AIFM1: variants seen among roughly 807,000 people sequenced by gnomAD.
The protein encoded by AIFM1 is apoptosis-inducing factor 1, mitochondrial.
AIFM1 carries 3 observed loss-of-function variants against 51.7 expected under a neutral mutation model. That is an observed-to-expected ratio of 0.06 (90% CI 0.03 to 0.15). AIFM1 has a LOEUF of 0.15. Ranked by LOEUF, AIFM1 falls within the 10% of genes least tolerant of loss-of-function variation. AIFM1 has a pLI of 1.00. For synonymous variants in AIFM1, 178 were observed against 179.4 expected, an observed-to-expected ratio of 0.99 and a Z score of 0.06; for missense variants, 330 against 476.8, an observed-to-expected ratio of 0.69 and a Z score of 2.87.
intron 1 of AIFM1, among the ~76,000 whole-genome samples, chrX:130,160,291 G>A (rs1054432493): frequency 2.7e-5 from 3 of 111,231 alleles, no homozygotes; most frequent in Non-Finnish European, 3.8e-5. Context: ...ATATTACATC[G>A]TGACTGAAAC....
chrX:130,134,922 A>G (rs758736716), intron 12 of AIFM1, among the ~76,000 whole-genome samples: 5 of 111,730 alleles, frequency 4.5e-5, no homozygotes, highest in Non-Finnish European at 9.4e-5. Context: ...AGAGCAGAAT[A>G]TTATATATAG....
chrX:130,154,962 A>G (rs886412022), intron 2 of AIFM1, among the ~76,000 whole-genome samples: 3 of 112,534 alleles, frequency 2.7e-5, no homozygotes, highest in Non-Finnish European at 5.6e-5. Context: ...GGCTTTAGCT[A>G]TATCTGGTAG....
chrX:130,165,467 C>T, intron 1 of AIFM1, 84 bp downstream of exon 1: 8 of 811,747 alleles, frequency 9.9e-6, no homozygotes, highest in Non-Finnish European at 1.5e-5. Flanking sequence ...CTCGCGGGGA[C>T]GCGGGGGTAG....
intron 12 of AIFM1, among the ~76,000 whole-genome samples, chrX:130,133,794 A>T (rs2030206475): frequency 9.2e-6 from 1 of 108,883 alleles, no homozygotes; most frequent in Admixed American, 9.8e-5. Context: ...TGCCTGGCTA[A>T]ATTTTTTTTT....
At chrX:130,145,810 G>GT (rs2030730558) in intron 5 of AIFM1, among the ~76,000 whole-genome samples, 1 of 111,821 alleles carries the variant, frequency 8.9e-6, no homozygotes. Context: ...GACAATCTGG[G>GT]TTGTAATAAC....
intron 14 of AIFM1, among the ~76,000 whole-genome samples, chrX:130,130,620 T>C (rs147561272): frequency 1.2e-3 from 131 of 112,710 alleles, no homozygotes; most frequent in African/African-American, 3.5e-3. Context: ...GTACTCACCA[T>C]GTTTCATGAG....
chrX:130,142,676 T>G (rs963633432), intron 6 of AIFM1, among the ~76,000 whole-genome samples: 5 of 111,705 alleles, frequency 4.5e-5, no homozygotes, highest in Admixed American at 1.9e-4. Context: ...AATGGAGTCT[T>G]GTTCTGTCAC....
chrX:130,146,451 A>ATGTGTGTGTGTGTGTGTGTG (rs60694841), intron 5 of AIFM1, among the ~76,000 whole-genome samples: 25 of 89,442 alleles, frequency 2.8e-4, no homozygotes, highest in African/African-American at 1.0e-3. Flanking sequence ...CTCTCAAAAT[A>ATGTGTGTGTGTGTGTGTGTG]TGTGTGTGTG....
At chrX:130,135,082 CTTT>C (rs758547960) in intron 12 of AIFM1, among the ~76,000 whole-genome samples, 11 of 100,668 alleles carry the variant, frequency 1.1e-4, no homozygotes, top group Admixed American at 1.1e-3. Context: ...CCACATATTA[CTTT>C]TTTTTTTTTT....
chrX:130,138,307 T>C (rs1250602508), intron 9 of AIFM1, among the ~76,000 whole-genome samples: 3 of 108,941 alleles, frequency 2.8e-5, no homozygotes, highest in Non-Finnish European at 5.7e-5. Context: ...CTACTAAAAA[T>C]ACAAAAAATT....
intron 12 of AIFM1, among the ~76,000 whole-genome samples, chrX:130,134,475 A>G (rs1185708727): frequency 1.8e-5 from 2 of 110,950 alleles, no homozygotes; most frequent in Non-Finnish European, 3.8e-5. Context: ...CATTCGACAA[A>G]TATTTATGGA....
intron 2 of AIFM1, chrX:130,155,021 C>A (rs946477232): frequency 1.2e-6 from 1 of 829,243 alleles, no homozygotes; most frequent in Non-Finnish European, 1.8e-6. Flanking sequence ...TAGTGACTGA[C>A]AATGTCCCTT....
Position 130,139,807 on chromosome X carries a change from C to T in AIFM1, c.846G>A (p.Thr282=), listed in dbSNP as rs779654073. 4.1e-6 allele frequency: 5 copies of T among 1,210,015 alleles called. No individual in the cohort carries two copies. Among genetic ancestry groups the T allele is most frequent in the East Asian group, 5.9e-5 (2 of 33,819 alleles). Reference sequence around the variant, plus strand: ...AGCAGACAATTACCTTTCTGAAAAGCGTTGTTCTACTCTTCACCTCTGCTC... The same window carrying T: ...AGCAGACAATTACCTTTCTGAAAAGTGTTGTTCTACTCTTCACCTCTGCTC... ...RAGAEVKSRT[T]LFRKIGDFRS... Residue 282 remains threonine, a synonymous_variant, in exon 8 of 16, where the codon ACG becomes ACA. Transcript: ENST00000287295.
At chrX:130,162,882 G>A (rs891437146) in intron 1 of AIFM1, among the ~76,000 whole-genome samples, 9 of 112,060 alleles carry the variant, frequency 8.0e-5, no homozygotes, top group African/African-American at 2.9e-4. Context: ...CAGACATAGA[G>A]TGATGACTAT....
intron 2 of AIFM1, among the ~76,000 whole-genome samples, chrX:130,152,214 G>A (rs982083473): frequency 1.8e-5 from 2 of 111,976 alleles, no homozygotes; most frequent in Non-Finnish European, 3.8e-5. Flanking sequence ...CAGGGGCCAT[G>A]TTCATTGAGA....
intron 6 of AIFM1, among the ~76,000 whole-genome samples, chrX:130,143,179 T>C (rs998323410): frequency 5.4e-5 from 6 of 111,560 alleles, no homozygotes; most frequent in Non-Finnish European, 1.1e-4. Context: ...CCTGGGAGGC[T>C]TCACCTACTC....
intron 2 of AIFM1, 126 bp from the exon 3 acceptor site, chrX:130,149,694 A>G: frequency 1.9e-6 from 1 of 527,142 alleles, no homozygotes; most frequent in Non-Finnish European, 3.2e-6. Context: ...TGTCAAAACC[A>G]CTAAGACAAA....
At position 130,136,908 on chromosome X, in the gene AIFM1, G is replaced by A. The variant is rs143306446; in HGVS notation, c.1075+170C>T. ...ATTTTCAGCACTTCCAGGAATTTGG[G>A]GCATCTGATTCAGAACACCTAGATG... On this transcript the variant is annotated intron_variant, in intron 10 of 15. Coordinates refer to ENST00000287295, the MANE Select transcript of AIFM1 (RefSeq NM_004208.4). Among the ~76,000 whole-genome samples, 383 of 111,084 alleles carry A rather than the reference G, an allele frequency of 3.4e-3. 3 individuals are homozygous for A. The highest frequency in any genetic ancestry group is 0.012 in the African/African-American group (367 of 30,554).
chrX:130,131,877 A>ATT, intron 13 of AIFM1, 78 bp from the exon 14 acceptor site: 244 of 928,532 alleles, frequency 2.6e-4, no homozygotes, highest in Middle Eastern at 3.0e-4. Context: ...ATGACACTGC[A>ATT]TTTTTTTTTT....
Sources: allele counts gnomAD v4.1 joint callset (sites outside exome capture counted in the v4.1 genomes callset), GRCh38; gene constraint gnomAD v4.1.1; transcripts MANE v1.5; gene names NCBI Gene and HGNC (gene_info 2026-07-23, HGNC 2026-07-21).